The following SMIM14 variants were observed in gnomAD, a reference collection of about 807,000 sequenced individuals.
SMIM14 encodes chromosome 4 open reading frame 34.
A neutral mutation model predicts 12.6 loss-of-function variants in SMIM14; 5 were observed. The ratio of observed to expected loss-of-function variants is 0.40; its 90% CI spans 0.21 to 0.83. The LOEUF is 0.83. SMIM14 is among the 40% of genes least tolerant of loss of function. The pLI is 0.37. For missense variants in SMIM14, 86 were observed against 119.1 expected (o/e 0.72, Z 1.29); for synonymous variants, 30 against 40.1 (o/e 0.75, Z 0.95).
intron 2 of SMIM14, among the ~76,000 whole-genome samples, chr4:39,595,836 C>A: frequency 1.3e-5 from 2 of 152,126 alleles, no homozygotes; most frequent in Admixed American, 1.3e-4. Flanking sequence ...TTTCAAACTC[C>A]TAGACTCAAG....
chr4:39,565,445 A>C (rs1463267500), intron 3 of SMIM14, among the ~76,000 whole-genome samples: 3 of 152,128 alleles, frequency 2.0e-5, no homozygotes, highest in Non-Finnish European at 4.4e-5. Flanking sequence ...CTAACTCAGC[A>C]TCCAGAGTAG....
At chr4:39,599,076 T>C (rs77374120) in intron 2 of SMIM14, among the ~76,000 whole-genome samples, 1 of 152,190 alleles carries the variant, frequency 6.6e-6, no homozygotes, top group East Asian at 1.9e-4. Context: ...CTCCCCCAAC[T>C]TGATTGAGAG....
intron 2 of SMIM14, among the ~76,000 whole-genome samples, chr4:39,596,052 C>G (rs932519593): frequency 6.6e-6 from 1 of 152,082 alleles, no homozygotes; most frequent in Non-Finnish European, 1.5e-5. Flanking sequence ...CTGCTCCTTC[C>G]TCCTACTCCT....
chr4:39,637,600 A>G lies in SMIM14; in HGVS notation c.-36+1139T>C, dbSNP rs113873100. On this transcript the variant is annotated intron_variant, in intron 1 of 4. Transcript: ENST00000295958. ...GCGGTGTTCTTAAACACCACGTTGG[A>G]AAAAAAAAAAAAGTTAGGACAAAAA... Among the ~76,000 whole-genome samples the G allele has an allele frequency of 5.2e-3, 726 of 138,604 alleles. 21 individuals carry two copies. Among genetic ancestry groups the G allele is most frequent in the Admixed American group, 0.046 (663 of 14,392 alleles). The allele number at this position is 138,604 out of a possible 152,430, so 90.9% of individuals were successfully genotyped here.
chr4:39,554,368 G>A (rs368982222), intron 4 of SMIM14, among the ~76,000 whole-genome samples: 44 of 152,288 alleles, frequency 2.9e-4, no homozygotes, highest in African/African-American at 8.9e-4. Flanking sequence ...AGTACTTCGG[G>A]AGGCCGAGGC....
intron 2 of SMIM14, among the ~76,000 whole-genome samples, chr4:39,592,150 A>ACCACT (rs1180900500): frequency 2.6e-5 from 4 of 151,986 alleles, no homozygotes; most frequent in African/African-American, 9.7e-5. Context: ...GATCTATTAC[A>ACCACT]CCACTCCACT....
intron 1 of SMIM14, among the ~76,000 whole-genome samples, chr4:39,606,469 C>T (rs1714812331): frequency 6.6e-6 from 1 of 151,918 alleles, no homozygotes; most frequent in African/African-American, 2.4e-5. Context: ...GGTGAAACCC[C>T]GTCTCTACTA....
chr4:39,622,062 T>C (rs1032871997), intron 1 of SMIM14, among the ~76,000 whole-genome samples: 3 of 152,100 alleles, frequency 2.0e-5, no homozygotes, highest in Admixed American at 6.6e-5. Context: ...AAAATAAACA[T>C]AGCAAATGCA....
chr4:39,572,027 C>T (rs1712917046), intron 3 of SMIM14, among the ~76,000 whole-genome samples: 1 of 151,956 alleles, frequency 6.6e-6, no homozygotes, highest in Non-Finnish European at 1.5e-5. Context: ...TAATCTCAAA[C>T]TCCTGGACTC....
chr4:39,580,880 A>G (rs1713460553), intron 2 of SMIM14, among the ~76,000 whole-genome samples: 1 of 152,116 alleles, frequency 6.6e-6, no homozygotes, highest in Non-Finnish European at 1.5e-5. Context: ...AACACAACCT[A>G]TTATCAACCT....
chr4:39,582,006 G>A (rs776169082), intron 2 of SMIM14, among the ~76,000 whole-genome samples: 56 of 152,106 alleles, frequency 3.7e-4, no homozygotes, highest in Non-Finnish European at 6.8e-4. Context: ...CAAGTGGCTG[G>A]GATTGCAGGC....
At chr4:39,601,656 A>G (rs2110053791) in intron 2 of SMIM14, among the ~76,000 whole-genome samples, 1 of 152,308 alleles carries the variant, frequency 6.6e-6, no homozygotes, top group South Asian at 2.1e-4. Context: ...AGTAGAAGAT[A>G]ATGGATGAGG....
At chr4:39,635,911 G>A (rs557521998) in intron 1 of SMIM14, among the ~76,000 whole-genome samples, 4 of 151,944 alleles carry the variant, frequency 2.6e-5, no homozygotes, top group African/African-American at 7.3e-5. Context: ...AGTGGCTCAC[G>A]CATGTAATCC....
At chr4:39,588,416 A>G (rs1713895443) in intron 2 of SMIM14, among the ~76,000 whole-genome samples, 1 of 152,134 alleles carries the variant, frequency 6.6e-6, no homozygotes, top group African/African-American at 2.4e-5. Context: ...TACATCCTAA[A>G]TACACAGTTC....
chr4:39,624,001 A>G (rs1051001526), intron 1 of SMIM14, among the ~76,000 whole-genome samples: 1 of 152,260 alleles, frequency 6.6e-6, no homozygotes, highest in Non-Finnish European at 1.5e-5. Context: ...TAGTTTTTAC[A>G]TAACAGAAAA....
chr4:39,620,093 C>A (rs952380607), intron 1 of SMIM14, among the ~76,000 whole-genome samples: 1 of 150,588 alleles, frequency 6.6e-6, no homozygotes, highest in Non-Finnish European at 1.5e-5. Flanking sequence ...GTAATCCCAG[C>A]ACTTTGGGAG....
At chr4:39,599,213 T>C (rs1285604616) in intron 2 of SMIM14, among the ~76,000 whole-genome samples, 1 of 151,968 alleles carries the variant, frequency 6.6e-6, no homozygotes, top group African/African-American at 2.4e-5. Context: ...TTCTTGACCC[T>C]TAGTGTGTGA....
chr4:39,619,757 T>A (rs1380382867), intron 1 of SMIM14, among the ~76,000 whole-genome samples: 1 of 128,836 alleles, frequency 7.8e-6, no homozygotes, highest in African/African-American at 3.5e-5. Flanking sequence ...TAATTTATTA[T>A]ATATATATCA....
intron 2 of SMIM14, among the ~76,000 whole-genome samples, chr4:39,577,430 C>CT (rs36049094): frequency 3.3e-3 from 453 of 136,884 alleles, no homozygotes; most frequent in East Asian, 0.01. Context: ...CCCTTTCAGC[C>CT]TTTTTTTTTT....
Sources: allele counts gnomAD v4.1 joint callset (sites outside exome capture counted in the v4.1 genomes callset), GRCh38; gene constraint gnomAD v4.1.1; transcripts MANE v1.5; gene names NCBI Gene and HGNC (gene_info 2026-07-23, HGNC 2026-07-21).